Variants in SLC35F6 observed in about 807,000 individuals in gnomAD.
The protein encoded by SLC35F6 is solute carrier family 35 member F6.
SLC35F6 carries 26 observed loss-of-function variants against 29.4 expected under a neutral mutation model. The observed-to-expected ratio is 0.89, with a 90% CI of 0.65 to 1.23. The LOEUF (loss-of-function observed/expected upper bound fraction) is 1.23, where lower values mean the gene tolerates loss of function less well. SLC35F6 is among the 50% of genes most tolerant of loss of function. SLC35F6 has a pLI of 0.00. For missense variants in SLC35F6, 428 were observed against 487.8 expected (o/e 0.88, Z 1.15); for synonymous variants, 174 against 206.6 (o/e 0.84, Z 1.35).
At chr2:26,768,564 T>C (rs968744549) in intron 1 of SLC35F6, among the ~76,000 whole-genome samples, 13 of 151,924 alleles carry the variant, frequency 8.6e-5, no homozygotes, top group African/African-American at 2.9e-4. Flanking sequence ...CAGGGTTTCA[T>C]TGTGTTAGCC....
rs1664276015 is a variant in SLC35F6, at chr2:26,775,196, G to A, written c.303G>A (p.Gly101=). ...FLPPALCDMT[G]TSLMYVALNM... ...CCCCAGCGCTCTGTGACATGACAGGGACCAGCCTCATGTATGTGGGTGAGT... is the reference window on the plus strand; with the variant it reads ...CCCCAGCGCTCTGTGACATGACAGGAACCAGCCTCATGTATGTGGGTGAGT... Residue 101 remains glycine, a synonymous_variant, in exon 3 of 6, where the codon GGG becomes GGA. Transcript: ENST00000344420. The surrounding 1 kb of genome is among the most constrained non-coding windows in gnomAD (Gnocchi z 4.6). The A allele has an allele frequency of 6.2e-7, 1 of 1,613,910 alleles. No individual in the cohort carries two copies. The highest frequency in any genetic ancestry group is 8.5e-7 in the Non-Finnish European group (1 of 1,179,960).
chr2:26,781,168 A>C lies in SLC35F6; in HGVS notation c.*2657A>C, dbSNP rs1301299591. 1 of 152,212 alleles carries C rather than the reference A, an allele frequency of 6.6e-6. No individual in the cohort carries two copies. The highest frequency in any genetic ancestry group is 1.5e-5 in the Non-Finnish European group (1 of 68,044). The allele number at this position is 152,212 out of a possible 1,614,324, so 9.4% of individuals were successfully genotyped here. ...GGCAATTGTATTAATCCATTCTCGA[A>C]TTGCTGTAAAGAAATACCTGAGACT... On this transcript the variant is annotated 3_prime_UTR_variant, in exon 6 of 6. Transcript: ENST00000344420.
Position 26,778,640 on chromosome 2 carries a change from G to T in SLC35F6, c.*129G>T. ...TGTCCCCTCCCTGCAGAACCCCCAGGGCAGCTGCTGCCACAGAAGATAACA... is the reference window on the plus strand; with the variant it reads ...TGTCCCCTCCCTGCAGAACCCCCAGTGCAGCTGCTGCCACAGAAGATAACA... On this transcript the variant is annotated 3_prime_UTR_variant, in exon 6 of 6. Transcript: ENST00000344420. 1.1e-6 allele frequency: 1 copy of T among 872,904 alleles called. No homozygotes were observed. The highest frequency in any genetic ancestry group is 1.7e-6 in the Non-Finnish European group (1 of 587,896). 54.1% of individuals were successfully genotyped at this position (872,904 alleles called of 1,614,324 possible). A position where few individuals can be genotyped will look rare whatever the true frequency, so the allele number is the denominator to read the frequency against.
chr2:26,770,352 A>G (rs749138862), intron 1 of SLC35F6, among the ~76,000 whole-genome samples: 33 of 152,112 alleles, frequency 2.2e-4, no homozygotes, highest in Non-Finnish European at 4.6e-4. Context: ...GGCTGTAGTG[A>G]GCCGTGATTG....
At position 26,764,468 on chromosome 2, in the gene SLC35F6, C is replaced by T. The variant is rs771078604; in HGVS notation, c.77+42C>T. ...CCGGGCGTGCGGGCCCTGGCGACCC[C>T]GGCGCTCGTTCTACGCCTTCCCCCT... On this transcript the variant is annotated intron_variant, in intron 1 of 5. Coordinates refer to ENST00000344420, the MANE Select transcript of SLC35F6 (RefSeq NM_017877.4). The T allele has an allele frequency of 4.5e-6, 7 of 1,548,346 alleles. 1 individual carries two copies. The South Asian group carries it at 6.0e-5, about 13-fold the overall frequency.
intron 1 of SLC35F6, among the ~76,000 whole-genome samples, chr2:26,769,420 A>G (rs912914986): frequency 6.6e-6 from 1 of 152,164 alleles, no homozygotes; most frequent in African/African-American, 2.4e-5. Flanking sequence ...AGGCCCACCT[A>G]CTGGGCTGCC....
intron 1 of SLC35F6, among the ~76,000 whole-genome samples, chr2:26,772,888 A>G (rs1206555811): frequency 6.6e-6 from 1 of 152,198 alleles, no homozygotes; most frequent in Non-Finnish European, 1.5e-5. Flanking sequence ...CTATGCCACA[A>G]AGGATTCTGG....
chr2:26,778,325 G>T lies in SLC35F6; in HGVS notation c.930G>T (p.Leu310=), dbSNP rs1317861433. ...TVVIWALSLA[L]GWEAFHALQI... ...TCATCTGGGCACTGAGCCTGGCACTGGGCTGGGAGGCCTTCCATGCACTGC... is the reference window on the plus strand; with the variant it reads ...TCATCTGGGCACTGAGCCTGGCACTTGGCTGGGAGGCCTTCCATGCACTGC... The change falls in exon 6 of 6, where the codon CTG becomes CTT. Residue 310 remains leucine, a synonymous_variant. Transcript: ENST00000344420. The T allele has an allele frequency of 6.2e-7, 1 of 1,614,158 alleles. No homozygotes were observed. Among genetic ancestry groups the T allele is most frequent in the South Asian group, 1.1e-5 (1 of 91,082 alleles).
At chr2:26,769,998 C>T (rs1664164726) in intron 1 of SLC35F6, among the ~76,000 whole-genome samples, 3 of 152,190 alleles carry the variant, frequency 2.0e-5, no homozygotes, top group Non-Finnish European at 2.9e-5. Context: ...TAAATTCAAG[C>T]AAGGTTTAAC....
intron 1 of SLC35F6, among the ~76,000 whole-genome samples, chr2:26,769,251 G>A (rs187991156): frequency 6.6e-6 from 1 of 152,214 alleles, no homozygotes; most frequent in Admixed American, 6.5e-5. Context: ...TTGAGTTTGG[G>A]CCTGGCCATG....
intron 5 of SLC35F6, among the ~76,000 whole-genome samples, chr2:26,777,113 C>T (rs1351759668): frequency 6.6e-6 from 1 of 152,214 alleles, no homozygotes; most frequent in Non-Finnish European, 1.5e-5. Context: ...ACAGGAGAAT[C>T]GCCTGAACTG....
intron 1 of SLC35F6, among the ~76,000 whole-genome samples, chr2:26,773,179 A>T (rs899902916): frequency 6.6e-6 from 1 of 152,098 alleles, no homozygotes. Flanking sequence ...ACCTCTTCTT[A>T]CAGTAATGTT....
chr2:26,765,814 A>C (rs752856458), intron 1 of SLC35F6, among the ~76,000 whole-genome samples: 23 of 152,200 alleles, frequency 1.5e-4, no homozygotes, highest in Non-Finnish European at 2.6e-4. Context: ...TTAGCTGTTC[A>C]GAGGCCCCAG....
In SLC35F6 at chr2:26,764,314, C is replaced by G. The variant is rs1485583148; in HGVS notation, c.-36C>G. The G allele has an allele frequency of 6.5e-7, 1 of 1,546,540 alleles. No individual in the cohort carries two copies. The highest frequency in any genetic ancestry group is 8.7e-7 in the Non-Finnish European group (1 of 1,145,128). On this transcript the variant is annotated 5_prime_UTR_variant, in exon 1 of 6. Transcript: ENST00000344420. ...GGAGACCCCGGGTGACGGGGCCCGG[C>G]GCCGCTAACTGGAGCGAACCCCAGC...
Position 26,764,392 on chromosome 2 carries a change from C to T in SLC35F6, c.43C>T (p.Leu15Phe), listed in dbSNP as rs1664056501. The change falls in exon 1 of 6, where the codon CTT becomes TTT. Residue 15 changes from leucine to phenylalanine, a missense_variant. Physicochemically the swap from Leu to Phe is conservative, Grantham distance 22 (BLOSUM62 0). Transcript: ENST00000344420. Reference protein sequence around the residue: ...KYQLFLAGLMLVTGSINTLSA... With the variant: ...KYQLFLAGLMFVTGSINTLSA... ...CCAGCTGTTCCTGGCCGGGCTCATG[C>T]TTGTTACCGGCTCCATCAACACGCT... 1.3e-6 allele frequency: 2 copies of T among 1,551,150 alleles called. No individual in the cohort carries two copies. The highest frequency in any genetic ancestry group is 4.9e-5 in the East Asian group (2 of 40,906).
At chr2:26,771,110 C>G (rs543642123) in intron 1 of SLC35F6, among the ~76,000 whole-genome samples, 1 of 152,200 alleles carries the variant, frequency 6.6e-6, no homozygotes, top group African/African-American at 2.4e-5. Flanking sequence ...GTGGAGAAAG[C>G]GAAGACAACC....
At position 26,778,423 on chromosome 2, in the gene SLC35F6, GCCTGTCCAGGGGCCGGCC is replaced by G. The variant is rs767898838; in HGVS notation, c.1033_1050del (p.Ser345_Leu350del). Reference sequence around the variant, plus strand: ...GGGCTACACCGTCCGCTGCTGGGCCGCCTGTCCAGGGGCCGGCCCCTGGCAGAGGAGAGCGAGCAGGAG... The same window carrying G: ...GGGCTACACCGTCCGCTGCTGGGCCGCCTGGCAGAGGAGAGCGAGCAGGAG... On this transcript the variant is annotated inframe_deletion, in exon 6 of 6. Transcript: ENST00000344420. 1 of 1,614,088 alleles carries G rather than the reference GCCTGTCCAGGGGCCGGCC, an allele frequency of 6.2e-7. No homozygotes were observed. Among genetic ancestry groups the G allele is most frequent in the Non-Finnish European group, 8.5e-7 (1 of 1,180,010 alleles).
chr2:26,774,172 A>G, intron 1 of SLC35F6, 79 bp from the exon 2 acceptor site: 3 of 1,557,594 alleles, frequency 1.9e-6, no homozygotes, highest in Non-Finnish European at 2.6e-6. Context: ...GGGCCTCTTG[A>G]CATTGAGAGG....
At chr2:26,765,052 T>C (rs1664072902) in intron 1 of SLC35F6, 1 of 970,538 alleles carries the variant, frequency 1.0e-6, no homozygotes, top group East Asian at 1.1e-4. Flanking sequence ...GAATGACATG[T>C]TGAAAGTGAT....
Sources: allele counts gnomAD v4.1 joint callset (sites outside exome capture counted in the v4.1 genomes callset), GRCh38; gene constraint gnomAD v4.1.1; non-coding constraint Gnocchi (gnomAD v3.1); transcripts MANE v1.5; gene names NCBI Gene and HGNC (gene_info 2026-07-23, HGNC 2026-07-21).